PCDHGA5: variants seen among roughly 807,000 people sequenced by gnomAD.
PCDHGA5 encodes the protein protocadherin gamma subfamily A, 5.
PCDHGA5 carries 36 observed loss-of-function variants against 56.7 expected under a neutral mutation model. The observed-to-expected ratio is 0.64, with a 90% CI of 0.49 to 0.84. The LOEUF (loss-of-function observed/expected upper bound fraction) is 0.84. PCDHGA5 is among the 40% of genes least tolerant of loss of function. The pLI is 0.00. For synonymous variants in PCDHGA5, 563 were observed against 520.2 expected (o/e 1.08, Z -1.12); for missense variants, 1,305 against 1,201.5 (o/e 1.09, Z -1.27).
intron 1 of PCDHGA5, among the ~76,000 whole-genome samples, chr5:141,460,979 GTGTGTATATA>G (rs143444831): frequency 0.04 from 5,417 of 134,264 alleles, 125 homozygotes; most frequent in South Asian, 0.082. Context: ...GTGTGTGTGT[GTGTGTATATA>G]TATATATGTG....
chr5:141,430,897 C>T, intron 1 of PCDHGA5: 1 of 1,605,442 alleles, frequency 6.2e-7, no homozygotes, highest in Non-Finnish European at 8.5e-7. Context: ...CTAGGGTGGG[C>T]GACATCTCCA....
chr5:141,462,599 T>TGG (rs2099043404), intron 1 of PCDHGA5, among the ~76,000 whole-genome samples: 1 of 152,208 alleles, frequency 6.6e-6, no homozygotes, highest in African/African-American at 2.4e-5. Context: ...CCATTTCATA[T>TGG]ATTGTATTTT....
Position 141,507,906 on chromosome 5 carries a change from G to A in PCDHGA5, c.2569+2425G>A, listed in dbSNP as rs2099864753. ...AGAGAGGTTCCTGAAGTCCAGCCCA[G>A]CCAGGCCTGTGGGGCTGCTGAGAGG... On this transcript the variant is annotated intron_variant, in intron 3 of 3. Coordinates refer to ENST00000518069, the MANE Select transcript of PCDHGA5 (RefSeq NM_018918.3). Among the ~76,000 whole-genome samples, 4 of 152,216 alleles carry A rather than the reference G, an allele frequency of 2.6e-5. No homozygotes were observed. The South Asian group carries it at 8.3e-4, about 32-fold the overall frequency.
At chr5:141,374,203 G>A (rs375029709) in intron 1 of PCDHGA5, 16 of 1,613,808 alleles carry the variant, frequency 9.9e-6, no homozygotes, top group Non-Finnish European at 1.1e-5. Flanking sequence ...AGGAGCTGGA[G>A]AAAGGCTCCT....
intron 1 of PCDHGA5, chr5:141,370,891 C>A (rs1767286127): frequency 6.2e-7 from 1 of 1,614,028 alleles, no homozygotes; most frequent in Non-Finnish European, 8.5e-7. Context: ...GGTGTCAATT[C>A]GCTGCAGCAG....
At chr5:141,494,965 C>T in intron 2 of PCDHGA5, 100 bp downstream of exon 2, 1 of 1,592,636 alleles carries the variant, frequency 6.3e-7, no homozygotes, top group Non-Finnish European at 8.6e-7. Context: ...CTACAGATGG[C>T]TTCTCCCTCA....
chr5:141,500,645 A>C (rs2099801792), intron 2 of PCDHGA5, among the ~76,000 whole-genome samples: 1 of 152,228 alleles, frequency 6.6e-6, no homozygotes, highest in African/African-American at 2.4e-5. Flanking sequence ...GTTTTTTAAA[A>C]ATAGCAACTG....
chr5:141,400,144 G>A, intron 1 of PCDHGA5: 1 of 1,614,068 alleles, frequency 6.2e-7, no homozygotes, highest in Non-Finnish European at 8.5e-7. Context: ...GGATATCACT[G>A]ACCGCCCTGT....
chr5:141,403,367 G>A (rs753470303), intron 1 of PCDHGA5: 1 of 1,614,038 alleles, frequency 6.2e-7, no homozygotes, highest in South Asian at 1.1e-5. Context: ...CGAAAGTCTG[G>A]AAGTAAAAAT....
intron 1 of PCDHGA5, chr5:141,372,255 C>CTGCGCACGGGTGAGG: frequency 1.2e-6 from 2 of 1,613,136 alleles, no homozygotes; most frequent in East Asian, 2.2e-5. Flanking sequence ...CAGCCTGGGC[C>CTGCGCACGGGTGAGG]TGCGCACGGG....
rs543776650 is a variant in PCDHGA5, at chr5:141,364,945, G to A, written c.615G>A (p.Glu205=). The A allele has an allele frequency of 3.7e-6, 6 of 1,613,918 alleles. No homozygotes were observed. Among genetic ancestry groups the A allele is most frequent in the South Asian group, 3.3e-5 (3 of 91,088 alleles). ...AACAGCCCCTAGACCGCGAGAAAGAGACTGTTCACGACCTCCTCCTCACAG... is the reference window on the plus strand; with the variant it reads ...AACAGCCCCTAGACCGCGAGAAAGAAACTGTTCACGACCTCCTCCTCACAG... ...VLEQPLDREK[E]TVHDLLLTAL... The change falls in exon 1 of 4, where the codon GAG becomes GAA. Residue 205 remains glutamate, a synonymous_variant. Coordinates refer to ENST00000518069, the MANE Select transcript of PCDHGA5 (RefSeq NM_018918.3).
At chr5:141,379,009 A>T (rs1310996873) in intron 1 of PCDHGA5, 1 of 152,210 alleles carries the variant, frequency 6.6e-6, no homozygotes, top group Non-Finnish European at 1.5e-5. Flanking sequence ...ATTTTTCTCC[A>T]GTCATGAGTT....
rs1168771567 is a variant in PCDHGA5 at position 141,398,057 on chromosome 5, A to T, written c.2421+31306A>T. On this transcript the variant is annotated intron_variant, in intron 1 of 3. Coordinates refer to ENST00000518069, the MANE Select transcript of PCDHGA5 (RefSeq NM_018918.3). ...CTAAAGCCCGTTCGGAGATCCAAAAATCTACAATACAGAGGTTATTTGTAA... is the reference window on the plus strand; with the variant it reads ...CTAAAGCCCGTTCGGAGATCCAAAATTCTACAATACAGAGGTTATTTGTAA... 9 of 1,524,504 alleles carry T rather than the reference A, an allele frequency of 5.9e-6. No individual in the cohort carries two copies. In the South Asian group the frequency reaches 1.1e-4, roughly 19 times the overall value. 94.4% of individuals were successfully genotyped at this position (1,524,504 alleles called of 1,614,324 possible). A position where few individuals can be genotyped will look rare whatever the true frequency, so the allele number is the denominator to read the frequency against.
chr5:141,390,837 T>C (rs1299248607), intron 1 of PCDHGA5: 1 of 163,140 alleles, frequency 6.1e-6, no homozygotes. Flanking sequence ...ATGGACCCCT[T>C]GTGATTATAT....
chr5:141,421,847 C>G, intron 1 of PCDHGA5: 1 of 1,613,752 alleles, frequency 6.2e-7, no homozygotes, highest in Non-Finnish European at 8.5e-7. Flanking sequence ...GAGAAAGAGG[C>G]TGCTCACCTG....
intron 1 of PCDHGA5, chr5:141,375,203 C>T (rs1346536726): frequency 4.3e-6 from 7 of 1,613,912 alleles, no homozygotes; most frequent in Non-Finnish European, 5.1e-6. Flanking sequence ...AGTGTTCGAT[C>T]GAGACTCTGG....
At chr5:141,388,353 G>T in intron 1 of PCDHGA5, 1 of 1,613,976 alleles carries the variant, frequency 6.2e-7, no homozygotes, top group Non-Finnish European at 8.5e-7. Context: ...ATTAGGATCT[G>T]CCCATGATGC....
Position 141,366,068 on chromosome 5 carries a change from C to T in PCDHGA5, c.1738C>T (p.Arg580Cys). The change falls in exon 1 of 4, where the codon CGC becomes TGC. Residue 580 changes from arginine (R) to cysteine (C), a missense_variant. Coordinates refer to ENST00000518069, the MANE Select transcript of PCDHGA5 (RefSeq NM_018918.3). The stretch of plus-strand genomic sequence containing the variant: ...TTCCACGGGCGTGGAGCTGGCGCCT[C>T]GCTCCGCAGAACCTGGCTACCTGGT... ...DGSTGVELAP[R>C]SAEPGYLVTK... is the part of the protein sequence containing the mutation. 6.2e-7 allele frequency: 1 copy of T among 1,614,238 alleles called. No homozygotes were observed. Among genetic ancestry groups the T allele is most frequent in the Admixed American group, 1.7e-5 (1 of 60,034 alleles).
chr5:141,487,127 A>T lies in PCDHGA5; in HGVS notation c.2422-7680A>T. ...GGTCATTGTGGTAAAGGATAGTGGT[A>T]GTCCACCACTCTCTACCTCTGTTAC... On this transcript the variant is annotated intron_variant, in intron 1 of 3. Coordinates refer to ENST00000518069, the MANE Select transcript of PCDHGA5 (RefSeq NM_018918.3). The surrounding 1 kb of genome is among the most constrained non-coding windows in gnomAD (Gnocchi z 5.0). 6.2e-7 allele frequency: 1 copy of T among 1,613,334 alleles called. No individual in the cohort carries two copies. Among genetic ancestry groups the T allele is most frequent in the Admixed American group, 1.7e-5 (1 of 60,026 alleles).
Sources: gnomAD v4.1 joint callset for allele counts (sites outside exome capture counted in the v4.1 genomes callset) on GRCh38, gnomAD v4.1.1 for gene constraint, Gnocchi (gnomAD v3.1) non-coding constraint, MANE v1.5 for transcripts, NCBI Gene and HGNC (gene_info 2026-07-23, HGNC 2026-07-21) for gene names.